Variants in KCNJ3 observed in about 807,000 individuals in gnomAD.
The protein encoded by KCNJ3 is potassium inwardly rectifying channel subfamily J member 3, also known as G protein-activated inward rectifier potassium channel 1.
Under a neutral mutation model 39.2 loss-of-function variants are expected in KCNJ3, and 4 were observed. The ratio of observed to expected loss-of-function variants is 0.10; its 90% confidence interval spans 0.05 to 0.23. KCNJ3 has a LOEUF of 0.23. Ranked by LOEUF, KCNJ3 falls within the 10% of genes least tolerant of loss-of-function variation. The pLI, the probability that KCNJ3 is intolerant of heterozygous loss-of-function variation, is 1.00. For synonymous variants in KCNJ3, 230 were observed against 237.4 expected (o/e 0.97, Z 0.29); for missense variants, 276 against 634.9 (o/e 0.43, Z 6.08).
At chr2:154,796,570 G>A (rs1441597263) in intron 2 of KCNJ3, among the ~76,000 whole-genome samples, 1 of 152,096 alleles carries the variant, frequency 6.6e-6, no homozygotes, top group East Asian at 1.9e-4. Flanking sequence ...TTTAGCATTT[G>A]AGAAGGCAGT....
intron 2 of KCNJ3, among the ~76,000 whole-genome samples, chr2:154,756,699 G>A (rs956852584): frequency 9.2e-5 from 14 of 151,882 alleles, no homozygotes; most frequent in African/African-American, 2.2e-4. Context: ...ACCATGGCAC[G>A]TGTATACCTA....
At chr2:154,826,493 A>G (rs571306040) in intron 2 of KCNJ3, among the ~76,000 whole-genome samples, 3 of 152,374 alleles carry the variant, frequency 2.0e-5, no homozygotes, top group Admixed American at 1.3e-4. Context: ...GTGGTAATTT[A>G]ACTTAATGTT....
At chr2:154,760,735 C>CTTTTTTTTTTTT (rs887796000) in intron 2 of KCNJ3, among the ~76,000 whole-genome samples, 4 of 127,752 alleles carry the variant, frequency 3.1e-5, no homozygotes, top group African/African-American at 9.0e-5. Flanking sequence ...TCTTTTTTTT[C>CTTTTTTTTTTTT]TTTTTTTTTT....
At chr2:154,797,630 C>T (rs1329493905) in intron 2 of KCNJ3, among the ~76,000 whole-genome samples, 1 of 151,894 alleles carries the variant, frequency 6.6e-6, no homozygotes. Context: ...TACATATAAA[C>T]ATAATCACTA....
Position 154,857,636 on chromosome 2 carries a change from T to A in KCNJ3, c.*2323T>A, listed in dbSNP as rs1343603044. 1 of 151,830 alleles carries A rather than the reference T, an allele frequency of 6.6e-6. No individual in the cohort carries two copies. The highest frequency in any genetic ancestry group is 1.9e-4 in the East Asian group (1 of 5,168). 9.4% of individuals were successfully genotyped at this position (151,830 alleles called of 1,614,324 possible). ...TGGCTCACGCCTGTAATCCCAGTAC[T>A]TTGGGAGGCGGAGGTTGGGGGATCA... On this transcript the variant is annotated 3_prime_UTR_variant, in exon 3 of 3. Coordinates refer to ENST00000295101, the MANE Select transcript of KCNJ3 (RefSeq NM_002239.4).
At chr2:154,708,120 T>A (rs1322981883) in intron 1 of KCNJ3, among the ~76,000 whole-genome samples, 1 of 150,786 alleles carries the variant, frequency 6.6e-6, no homozygotes, top group East Asian at 1.9e-4. Flanking sequence ...TTCATAGCCT[T>A]CTTTTTTCAG....
At chr2:154,779,844 T>C (rs987090572) in intron 2 of KCNJ3, among the ~76,000 whole-genome samples, 8 of 152,046 alleles carry the variant, frequency 5.3e-5, no homozygotes, top group Admixed American at 3.9e-4. Context: ...CCAGCCAAGT[T>C]TGAATCTTTT....
chr2:154,733,209 T>G (rs1363418380), intron 2 of KCNJ3, among the ~76,000 whole-genome samples: 1 of 152,114 alleles, frequency 6.6e-6, no homozygotes, highest in Non-Finnish European at 1.5e-5. Flanking sequence ...ATATTTGAAC[T>G]AACTACCCTT....
chr2:154,725,936 T>G (rs1685348612), intron 2 of KCNJ3, among the ~76,000 whole-genome samples: 1 of 152,142 alleles, frequency 6.6e-6, no homozygotes, highest in African/African-American at 2.4e-5. Context: ...GATCCTCATC[T>G]CTCATCTTTT....
intron 1 of KCNJ3, among the ~76,000 whole-genome samples, chr2:154,704,735 G>T (rs948410172): frequency 6.6e-6 from 1 of 152,106 alleles, no homozygotes; most frequent in African/African-American, 2.4e-5. Context: ...TGCCCTAACT[G>T]CTTTGGGTCA....
intron 2 of KCNJ3, among the ~76,000 whole-genome samples, chr2:154,824,709 A>G (rs923279400): frequency 1.3e-5 from 2 of 152,342 alleles, no homozygotes; most frequent in Admixed American, 6.5e-5. Flanking sequence ...TTTTTTAATT[A>G]TGTAATACAA....
At chr2:154,785,226 T>C (rs1331814850) in intron 2 of KCNJ3, among the ~76,000 whole-genome samples, 1 of 152,210 alleles carries the variant, frequency 6.6e-6, no homozygotes, top group Non-Finnish European at 1.5e-5. Flanking sequence ...AGTAACGAAA[T>C]TCCACAGATT....
At chr2:154,812,046 C>T (rs1022539757) in intron 2 of KCNJ3, among the ~76,000 whole-genome samples, 2 of 152,106 alleles carry the variant, frequency 1.3e-5, no homozygotes, top group African/African-American at 4.8e-5. Context: ...GGAAAATGAT[C>T]TCATTTACCA....
At chr2:154,766,245 A>G (rs1457410479) in intron 2 of KCNJ3, among the ~76,000 whole-genome samples, 1 of 152,124 alleles carries the variant, frequency 6.6e-6, no homozygotes, top group Non-Finnish European at 1.5e-5. Context: ...CAGTTTAACC[A>G]TTTTCATTCT....
chr2:154,727,230 A>G (rs1290125100), intron 2 of KCNJ3, among the ~76,000 whole-genome samples: 4 of 152,120 alleles, frequency 2.6e-5, no homozygotes, highest in Admixed American at 1.3e-4. Flanking sequence ...TTCCATTTTT[A>G]TTATCTTACT....
chr2:154,793,187 G>A (rs563872844), intron 2 of KCNJ3, among the ~76,000 whole-genome samples: 11 of 152,098 alleles, frequency 7.2e-5, no homozygotes, highest in African/African-American at 2.6e-4. Context: ...GCAAGCATAG[G>A]TCATAAAGAT....
chr2:154,761,177 A>G (rs1470147162), intron 2 of KCNJ3, among the ~76,000 whole-genome samples: 2 of 147,530 alleles, frequency 1.4e-5, no homozygotes, highest in African/African-American at 5.0e-5. Context: ...ATGAGGTATG[A>G]TTTAACTTCA....
intron 1 of KCNJ3, among the ~76,000 whole-genome samples, chr2:154,704,942 T>G (rs930760853): frequency 6.6e-6 from 1 of 151,878 alleles, no homozygotes; most frequent in African/African-American, 2.4e-5. Context: ...GGTGGGGAGG[T>G]GGTAAGCAAG....
At chr2:154,788,720 T>G (rs1053443995) in intron 2 of KCNJ3, among the ~76,000 whole-genome samples, 2 of 152,004 alleles carry the variant, frequency 1.3e-5, no homozygotes, top group African/African-American at 2.4e-5. Flanking sequence ...GCTGTTAAAA[T>G]TTCCATAGAT....
Sources: allele counts gnomAD v4.1 joint callset (sites outside exome capture counted in the v4.1 genomes callset), GRCh38; gene constraint gnomAD v4.1.1; transcripts MANE v1.5; gene names NCBI Gene and HGNC (gene_info 2026-07-23, HGNC 2026-07-21).